Variants in KCNH8 observed in about 807,000 individuals in gnomAD.
KCNH8 encodes the protein potassium voltage-gated channel subfamily H member 8, also known as voltage-gated delayed rectifier potassium channel KCNH8.
A neutral mutation model predicts 103.6 loss-of-function variants in KCNH8; 70 were observed. The observed-to-expected ratio is 0.68, with a 90% CI of 0.56 to 0.82. The LOEUF (loss-of-function observed/expected upper bound fraction) is 0.82, where lower values mean the gene tolerates loss of function less well. Ranked by LOEUF, KCNH8 falls within the 40% of genes least tolerant of loss-of-function variation. The probability of loss-of-function intolerance (pLI) is 0.00; values close to 1 mark genes in which losing one functional copy is unlikely to be tolerated. For synonymous variants in KCNH8, 498 were observed against 489.4 expected (o/e 1.02, Z -0.23); for missense variants, 1,217 against 1,329.9 (o/e 0.92, Z 1.32).
intron 11 of KCNH8, among the ~76,000 whole-genome samples, chr3:19,477,483 A>C (rs969075037): frequency 6.6e-6 from 1 of 151,372 alleles, no homozygotes; most frequent in African/African-American, 2.4e-5. Flanking sequence ...GGGACCCTGA[A>C]GTTGAAGGGA....
intron 15 of KCNH8, among the ~76,000 whole-genome samples, chr3:19,519,026 C>T (rs1424751511): frequency 6.6e-6 from 1 of 151,958 alleles, no homozygotes. Flanking sequence ...GACAGTTAAA[C>T]TTGTAAACAA....
intron 11 of KCNH8, among the ~76,000 whole-genome samples, chr3:19,472,201 T>A (rs1173234696): frequency 2.2e-4 from 1 of 4,594 alleles, no homozygotes; most frequent in Non-Finnish European, 3.6e-4. Flanking sequence ...CATTCGTGTG[T>A]GTGTGTGTGT....
chr3:19,362,903 T>A (rs1489743009), intron 5 of KCNH8, among the ~76,000 whole-genome samples: 1 of 152,004 alleles, frequency 6.6e-6, no homozygotes, highest in East Asian at 1.9e-4. Context: ...CCTCCCCCCT[T>A]AGCCTCCCAA....
chr3:19,486,994 C>T (rs1194966497), intron 11 of KCNH8, among the ~76,000 whole-genome samples: 5 of 152,140 alleles, frequency 3.3e-5, no homozygotes, highest in African/African-American at 9.7e-5. Context: ...GTAGGACATC[C>T]GTACTTTTTG....
At chr3:19,457,033 G>A (rs372444607) in intron 11 of KCNH8, 51 bp downstream of exon 11, 4 of 1,292,216 alleles carry the variant, frequency 3.1e-6, no homozygotes, top group East Asian at 2.4e-5. Flanking sequence ...TGGGCCTGGA[G>A]ATCATTTGTA....
At chr3:19,215,607 A>G (rs974411798) in intron 1 of KCNH8, among the ~76,000 whole-genome samples, 3 of 152,222 alleles carry the variant, frequency 2.0e-5, no homozygotes, top group Admixed American at 6.5e-5. Flanking sequence ...TGACCATTGC[A>G]TGCAGATCCC....
intron 7 of KCNH8, among the ~76,000 whole-genome samples, chr3:19,417,228 GTA>G (rs1483281942): frequency 4.1e-5 from 6 of 147,712 alleles, no homozygotes; most frequent in Admixed American, 6.8e-5. Context: ...ATATGTGTGT[GTA>G]TATATATATA....
rs1044513724 is a variant in KCNH8 at position 19,403,399 on chromosome 3, TAA to T, written c.1177+8091_1177+8092del. ...ATATATATATATATATATATATATA[TAA>T]AATCCTTCTGTTTATGGTATTACTA... On this transcript the variant is annotated intron_variant, in intron 7 of 15. Transcript: ENST00000328405. Among the ~76,000 whole-genome samples, 18 of 139,794 alleles carry T rather than the reference TAA, an allele frequency of 1.3e-4. No individual in the cohort carries two copies. The East Asian group carries it at 3.6e-3, about 28-fold the overall frequency. 91.7% of individuals were successfully genotyped at this position (139,794 alleles called of 152,430 possible).
intron 2 of KCNH8, among the ~76,000 whole-genome samples, chr3:19,275,576 G>A (rs2064657725): frequency 6.6e-6 from 1 of 152,092 alleles, no homozygotes; most frequent in Non-Finnish European, 1.5e-5. Flanking sequence ...TGGAAGAAAT[G>A]TTCACTGCAG....
intron 2 of KCNH8, 116 bp from the exon 3 acceptor site, chr3:19,281,082 G>C (rs1465680720): frequency 1.0e-6 from 1 of 981,142 alleles, no homozygotes; most frequent in East Asian, 2.5e-5. Flanking sequence ...AAGATGGAGG[G>C]AGTTGTGGGA....
chr3:19,295,383 CAAATAAATAAAT>C (rs554786703), intron 3 of KCNH8, among the ~76,000 whole-genome samples: 3,928 of 145,396 alleles, frequency 0.027, 63 homozygotes, highest in Non-Finnish European at 0.036. Flanking sequence ...GACCCTGTCT[CAAATAAATAAAT>C]AAATAAATAA....
At chr3:19,469,412 ATGTT>A (rs2125200948) in intron 11 of KCNH8, among the ~76,000 whole-genome samples, 1 of 152,082 alleles carries the variant, frequency 6.6e-6, no homozygotes, top group African/African-American at 2.4e-5. Context: ...TGGATCCAGT[ATGTT>A]TTTTTTGTTG....
intron 5 of KCNH8, among the ~76,000 whole-genome samples, chr3:19,386,689 A>T (rs981604457): frequency 3.3e-5 from 5 of 152,290 alleles, no homozygotes; most frequent in African/African-American, 1.2e-4. Flanking sequence ...ATTAATGAAT[A>T]TACTTTATAT....
At chr3:19,516,487 T>C (rs546466663) in intron 14 of KCNH8, among the ~76,000 whole-genome samples, 1 of 152,084 alleles carries the variant, frequency 6.6e-6, no homozygotes, top group Non-Finnish European at 1.5e-5. Context: ...ATTACTGTGC[T>C]TGGACCAAGG....
intron 7 of KCNH8, among the ~76,000 whole-genome samples, chr3:19,400,726 C>A (rs1249149420): frequency 6.6e-6 from 1 of 151,764 alleles, no homozygotes; most frequent in Non-Finnish European, 1.5e-5. Flanking sequence ...ATCTCCTGAT[C>A]CTCGTTGGAT....
At chr3:19,222,155 C>G (rs1160278567) in intron 1 of KCNH8, among the ~76,000 whole-genome samples, 2 of 152,094 alleles carry the variant, frequency 1.3e-5, no homozygotes. Flanking sequence ...GGCCTAGCAT[C>G]CTATATTTAT....
At chr3:19,201,994 A>G (rs991816900) in intron 1 of KCNH8, among the ~76,000 whole-genome samples, 4 of 152,174 alleles carry the variant, frequency 2.6e-5, no homozygotes, top group Admixed American at 1.3e-4. Flanking sequence ...CTTAAGGTCA[A>G]TTGATTGAGT....
chr3:19,496,481 G>A (rs1044311424), intron 11 of KCNH8, among the ~76,000 whole-genome samples: 22 of 151,834 alleles, frequency 1.4e-4, no homozygotes, highest in African/African-American at 5.1e-4. Context: ...TTCTCTTTAC[G>A]TGATGAATCA....
intron 1 of KCNH8, among the ~76,000 whole-genome samples, chr3:19,200,658 T>C (rs1489288858): frequency 6.6e-6 from 1 of 152,146 alleles, no homozygotes; most frequent in Non-Finnish European, 1.5e-5. Flanking sequence ...TAATTTTTGT[T>C]AAAGATTTGA....
Sources: gnomAD v4.1 joint callset for allele counts (sites outside exome capture counted in the v4.1 genomes callset) on GRCh38, gnomAD v4.1.1 for gene constraint, MANE v1.5 for transcripts, NCBI Gene and HGNC (gene_info 2026-07-23, HGNC 2026-07-21) for gene names.